The following ARHGAP32 variants were observed in gnomAD, a reference collection of about 807,000 sequenced individuals.
ARHGAP32 encodes rho GTPase-activating protein 32.
Under a neutral mutation model 186.5 loss-of-function variants are expected in ARHGAP32, and 51 were observed. The observed-to-expected ratio is 0.27, with a 90% CI of 0.22 to 0.35. ARHGAP32 has a LOEUF of 0.35. ARHGAP32 is among the 10% of genes least tolerant of loss of function. The pLI, the probability that ARHGAP32 is intolerant of heterozygous loss-of-function variation, is 1.00. For synonymous variants in ARHGAP32, 950 were observed against 964.3 expected (o/e 0.99, Z 0.27); for missense variants, 2,186 against 2,623.5 (o/e 0.83, Z 3.64).
intron 11 of ARHGAP32, among the ~76,000 whole-genome samples, chr11:129,009,093 G>T (rs923764578): frequency 1.3e-5 from 2 of 152,086 alleles, no homozygotes; most frequent in East Asian, 1.9e-4. Flanking sequence ...TAATTTGGAA[G>T]AATTTTAATT....
At chr11:128,976,101 ATT>A (rs1555059589) in intron 20 of ARHGAP32, among the ~76,000 whole-genome samples, 1 of 148,668 alleles carries the variant, frequency 6.7e-6, no homozygotes, top group Non-Finnish European at 1.5e-5. Flanking sequence ...ATATATATAT[ATT>A]CACAAATGTA....
At position 129,101,777 on chromosome 11, in the gene ARHGAP32, G is replaced by A. The variant is rs148153147; in HGVS notation, c.445-8070C>T. ...AGAGAATGGAACCAAATTGGAAAAC[G>A]TATTTCAGGATATCATCCATGAGAA... On this transcript the variant is annotated intron_variant, in intron 5 of 22. Transcript: ENST00000682385. 1.5e-3 allele frequency among the ~76,000 whole-genome samples: 227 copies of A among 152,260 alleles called. 1 individual carries two copies. Among genetic ancestry groups the A allele is most frequent in the African/African-American group, 5.0e-3 (209 of 41,568 alleles).
intron 1 of ARHGAP32, among the ~76,000 whole-genome samples, chr11:129,258,663 G>T (rs1184632232): frequency 6.6e-6 from 1 of 152,116 alleles, no homozygotes; most frequent in Non-Finnish European, 1.5e-5. Context: ...AGAGCTTAAA[G>T]AACTTCTGCC....
At chr11:129,229,353 T>C (rs1419931865) in intron 1 of ARHGAP32, among the ~76,000 whole-genome samples, 3 of 151,992 alleles carry the variant, frequency 2.0e-5, no homozygotes, top group Non-Finnish European at 2.9e-5. Context: ...TTTGAAATAT[T>C]TGAAAAAATA....
chr11:129,211,696 C>T (rs79603346), intron 1 of ARHGAP32, among the ~76,000 whole-genome samples: 34 of 152,294 alleles, frequency 2.2e-4, no homozygotes, highest in African/African-American at 7.7e-4. Flanking sequence ...TTTCCAGAGA[C>T]TGATTCCAGA....
At chr11:129,200,502 CTT>C (rs961739815) in intron 1 of ARHGAP32, among the ~76,000 whole-genome samples, 2 of 152,178 alleles carry the variant, frequency 1.3e-5, no homozygotes, top group East Asian at 3.9e-4. Context: ...CATTCTTTCT[CTT>C]GTCTGCTCCC....
At chr11:129,134,245 AT>A (rs1942887773) in intron 2 of ARHGAP32, among the ~76,000 whole-genome samples, 1 of 152,102 alleles carries the variant, frequency 6.6e-6, no homozygotes. Flanking sequence ...CCTTAATGTG[AT>A]TTTTGAAAAA....
chr11:129,109,126 C>A (rs1373244652), intron 5 of ARHGAP32, among the ~76,000 whole-genome samples: 6 of 152,080 alleles, frequency 3.9e-5, no homozygotes, highest in Non-Finnish European at 8.8e-5. Flanking sequence ...TTTTTTAGAT[C>A]CCACATGTAA....
intron 6 of ARHGAP32, among the ~76,000 whole-genome samples, chr11:129,082,837 CT>C (rs1941260701): frequency 6.6e-6 from 1 of 152,032 alleles, no homozygotes; most frequent in Non-Finnish European, 1.5e-5. Context: ...AGACAAAGGA[CT>C]GATATCCAGA....
intron 11 of ARHGAP32, among the ~76,000 whole-genome samples, chr11:129,000,963 TA>T (rs1202862093): frequency 2.0e-5 from 3 of 152,204 alleles, no homozygotes; most frequent in Non-Finnish European, 2.9e-5. Flanking sequence ...TGAATCTCAT[TA>T]TTTTTTTATG....
chr11:129,192,862 C>T (rs368202580), upstream of ARHGAP32, among the ~76,000 whole-genome samples: 1 of 152,142 alleles, frequency 6.6e-6, no homozygotes, highest in African/African-American at 2.4e-5. Context: ...GTTTAAGTGT[C>T]CCAAGTTCAA....
intron 1 of ARHGAP32, among the ~76,000 whole-genome samples, chr11:129,232,667 A>C (rs970166313): frequency 2.6e-5 from 4 of 152,060 alleles, no homozygotes; most frequent in Admixed American, 6.5e-5. Context: ...GGCTGGGGGG[A>C]AAAATTTCCT....
chr11:129,121,105 C>T (rs971704757), intron 5 of ARHGAP32, among the ~76,000 whole-genome samples: 1 of 151,732 alleles, frequency 6.6e-6, no homozygotes, highest in Non-Finnish European at 1.5e-5. Context: ...AGAATAAGAA[C>T]TGAGACATAG....
chr11:129,078,119 G>A (rs552379197), intron 6 of ARHGAP32, among the ~76,000 whole-genome samples: 3 of 152,266 alleles, frequency 2.0e-5, no homozygotes, highest in East Asian at 1.9e-4. Flanking sequence ...ATGGCTGAGA[G>A]ACCTGAAGAT....
intron 1 of ARHGAP32, among the ~76,000 whole-genome samples, chr11:129,272,575 C>T (rs1945485746): frequency 6.6e-6 from 1 of 152,226 alleles, no homozygotes; most frequent in South Asian, 2.1e-4. Context: ...GCTGGGCCAA[C>T]ATGTGCCCAG....
chr11:129,244,200 T>A (rs1203542373), intron 1 of ARHGAP32, among the ~76,000 whole-genome samples: 1 of 152,100 alleles, frequency 6.6e-6, no homozygotes, highest in East Asian at 1.9e-4. Context: ...ATTTTGCAGA[T>A]AAGAAAACTG....
At chr11:129,025,761 A>C (rs921703639) in intron 11 of ARHGAP32, among the ~76,000 whole-genome samples, 1 of 151,308 alleles carries the variant, frequency 6.6e-6, no homozygotes, top group Non-Finnish European at 1.5e-5. Flanking sequence ...TACTTAGAAC[A>C]ATCTGTAAGC....
intron 11 of ARHGAP32, among the ~76,000 whole-genome samples, chr11:129,000,257 C>G (rs1378041307): frequency 1.3e-5 from 2 of 152,102 alleles, no homozygotes; most frequent in Non-Finnish European, 2.9e-5. Flanking sequence ...ATTCCACCGA[C>G]TGATACATTA....
At chr11:129,256,602 C>G (rs1945257676) in intron 1 of ARHGAP32, among the ~76,000 whole-genome samples, 1 of 152,066 alleles carries the variant, frequency 6.6e-6, no homozygotes, top group South Asian at 2.1e-4. Context: ...TCCAGCTGGT[C>G]CAATCAAGTC....
Sources: allele counts gnomAD v4.1 joint callset (sites outside exome capture counted in the v4.1 genomes callset), GRCh38; gene constraint gnomAD v4.1.1; transcripts MANE v1.5; gene names NCBI Gene and HGNC (gene_info 2026-07-23, HGNC 2026-07-21).